Variants in KCNIP4 observed in about 807,000 individuals in gnomAD.
KCNIP4 encodes potassium voltage-gated channel interacting protein 4, also known as Kv channel-interacting protein 4.
KCNIP4 carries 12 observed loss-of-function variants against 34.0 expected under a neutral mutation model. The ratio of observed to expected loss-of-function variants is 0.35; its 90% CI spans 0.23 to 0.57. The LOEUF (loss-of-function observed/expected upper bound fraction) is 0.57. KCNIP4 is among the 20% of genes least tolerant of loss of function. The probability of loss-of-function intolerance (pLI) is 0.83; values close to 1 mark genes in which losing one functional copy is unlikely to be tolerated. For missense variants in KCNIP4, 238 were observed against 311.7 expected, an observed-to-expected ratio of 0.76 and a Z score of 1.78; for synonymous variants, 124 against 102.2, an observed-to-expected ratio of 1.21 and a Z score of -1.29.
At chr4:21,801,937 C>A (rs1191225177) in intron 1 of KCNIP4, among the ~76,000 whole-genome samples, 3 of 151,524 alleles carry the variant, frequency 2.0e-5, no homozygotes, top group Non-Finnish European at 4.4e-5. Context: ...GGATAGAGAA[C>A]ACAAACAGAA....
In KCNIP4 at chr4:21,154,352, C is replaced by T. The variant is rs75014028; in HGVS notation, c.62-271643G>A. Among the ~76,000 whole-genome samples the T allele has an allele frequency of 4.3e-3, 650 of 152,148 alleles. 4 individuals carry two copies. The highest frequency in any genetic ancestry group is 0.015 in the African/African-American group (611 of 41,508). On this transcript the variant is annotated intron_variant, in intron 1 of 8. Transcript: ENST00000382152. ...AAAATAAAATATTAAAAACTAAATC[C>T]CCCACAGAAACTTAAGGTAAAACGA...
chr4:21,240,323 A>G (rs1478952701), intron 1 of KCNIP4, among the ~76,000 whole-genome samples: 1 of 138,236 alleles, frequency 7.2e-6, no homozygotes, highest in Non-Finnish European at 1.5e-5. Flanking sequence ...ATGTATACAT[A>G]TGTAACAAAA....
Position 20,754,167 on chromosome 4 carries a change from A to G in KCNIP4, c.359-4435T>C, listed in dbSNP as rs74333603. 2.9e-3 allele frequency among the ~76,000 whole-genome samples: 445 copies of G among 152,266 alleles called. 3 individuals carry two copies. Among genetic ancestry groups the G allele is most frequent in the South Asian group, 0.01 (50 of 4,826 alleles). ...TCTCTGCTTGCCTTACAGTAGGCAT[A>G]CTTTATCCCCTGCCAACAAGAGGCT... On this transcript the variant is annotated intron_variant, in intron 4 of 8. Transcript: ENST00000382152.
intron 1 of KCNIP4, among the ~76,000 whole-genome samples, chr4:21,703,659 A>C (rs1385923268): frequency 6.6e-6 from 1 of 152,178 alleles, no homozygotes; most frequent in African/African-American, 2.4e-5. Context: ...GACTCAAAAA[A>C]TGAAATACTT....
intron 1 of KCNIP4, among the ~76,000 whole-genome samples, chr4:21,297,880 A>C (rs1303946607): frequency 6.6e-6 from 1 of 152,050 alleles, no homozygotes; most frequent in East Asian, 1.9e-4. Context: ...AGAAGTTCAT[A>C]CTGTGTATGA....
intron 1 of KCNIP4, among the ~76,000 whole-genome samples, chr4:21,601,250 TAATG>T (rs1743121577): frequency 6.6e-6 from 1 of 152,058 alleles, no homozygotes; most frequent in African/African-American, 2.4e-5. Flanking sequence ...TAAAACACTT[TAATG>T]TTTTCACATT....
chr4:20,740,193 T>C (rs1415136306), intron 5 of KCNIP4, among the ~76,000 whole-genome samples: 1 of 152,096 alleles, frequency 6.6e-6, no homozygotes, highest in Non-Finnish European at 1.5e-5. Flanking sequence ...TTGCGCAACC[T>C]AGCAAGTCAG....
At chr4:21,109,534 C>T (rs868192736) in intron 1 of KCNIP4, among the ~76,000 whole-genome samples, 29 of 152,304 alleles carry the variant, frequency 1.9e-4, no homozygotes, top group African/African-American at 6.7e-4. Context: ...AAAGGGAATT[C>T]CCTGACCCCT....
At chr4:21,364,977 T>C (rs1466191809) in intron 1 of KCNIP4, among the ~76,000 whole-genome samples, 1 of 152,080 alleles carries the variant, frequency 6.6e-6, no homozygotes, top group African/African-American at 2.4e-5. Context: ...AATTATGGTA[T>C]TCGTTCAATC....
At chr4:20,983,902 G>A in intron 1 of KCNIP4, 8 of 1,536,072 alleles carry the variant, frequency 5.2e-6, no homozygotes, top group Non-Finnish European at 7.0e-6. Context: ...GCAGTCCTTC[G>A]GACTCCCACT....
intron 1 of KCNIP4, among the ~76,000 whole-genome samples, chr4:21,350,045 CT>C (rs1186378113): frequency 2.0e-4 from 30 of 152,034 alleles, no homozygotes; most frequent in African/African-American, 7.2e-4. Context: ...TAACATGTAC[CT>C]AAATGAAAGT....
At chr4:21,491,580 C>T (rs1003142179) in intron 1 of KCNIP4, among the ~76,000 whole-genome samples, 2 of 152,002 alleles carry the variant, frequency 1.3e-5, no homozygotes, top group African/African-American at 4.8e-5. Context: ...GCTATGTTGC[C>T]CAGGCTGGTC....
intron 1 of KCNIP4, among the ~76,000 whole-genome samples, chr4:21,356,441 T>G (rs1048738742): frequency 5.9e-5 from 9 of 152,156 alleles, no homozygotes; most frequent in African/African-American, 1.7e-4. Flanking sequence ...CAAAATCTCC[T>G]TAAGCTGATA....
chr4:21,224,040 A>T (rs979037670), intron 1 of KCNIP4, among the ~76,000 whole-genome samples: 6 of 152,044 alleles, frequency 3.9e-5, no homozygotes, highest in Non-Finnish European at 7.4e-5. Context: ...GATTGCTTTT[A>T]TTGGCCTACA....
rs142137202 is a variant in KCNIP4, at chr4:20,992,599, C to G, written c.62-109890G>C. On this transcript the variant is annotated intron_variant, in intron 1 of 8. Coordinates refer to ENST00000382152, the MANE Select transcript of KCNIP4 (RefSeq NM_025221.6). The stretch of plus-strand genomic sequence containing the variant: ...CTCCCTTTCTGCCTCTCCCCCACCC[C>G]ACATACAATTATCACCCGGATCGGA... Among the ~76,000 whole-genome samples the G allele has an allele frequency of 2.1e-4, 32 of 152,248 alleles. No individual in the cohort carries two copies. In the South Asian group the frequency reaches 2.9e-3, roughly 14 times the overall value.
intron 1 of KCNIP4, among the ~76,000 whole-genome samples, chr4:21,652,206 TTAACAG>T (rs1747546368): frequency 6.6e-6 from 1 of 152,206 alleles, no homozygotes; most frequent in Admixed American, 6.5e-5. Context: ...CACACCAGCC[TTAACAG>T]TAAATCATCC....
At chr4:21,550,068 G>A (rs966556777) in intron 1 of KCNIP4, among the ~76,000 whole-genome samples, 1 of 152,108 alleles carries the variant, frequency 6.6e-6, no homozygotes, top group Non-Finnish European at 1.5e-5. Context: ...TTAAATTCGT[G>A]CTGTTTTAGT....
intron 1 of KCNIP4, among the ~76,000 whole-genome samples, chr4:21,807,821 C>T (rs1293425458): frequency 6.6e-6 from 1 of 152,130 alleles, no homozygotes; most frequent in African/African-American, 2.4e-5. Flanking sequence ...GATCCTCATG[C>T]ATCATCAATC....
At chr4:21,746,281 C>T (rs1716769493) in intron 1 of KCNIP4, among the ~76,000 whole-genome samples, 1 of 152,116 alleles carries the variant, frequency 6.6e-6, no homozygotes, top group South Asian at 2.1e-4. Flanking sequence ...CACAATTTAT[C>T]CCATAACAAA....
Sources: gnomAD v4.1 joint callset for allele counts (sites outside exome capture counted in the v4.1 genomes callset) on GRCh38, gnomAD v4.1.1 for gene constraint, MANE v1.5 for transcripts, NCBI Gene and HGNC (gene_info 2026-07-23, HGNC 2026-07-21) for gene names.